RABGAP1L: variants seen among roughly 807,000 people sequenced by gnomAD.
RABGAP1L encodes rab GTPase-activating protein 1-like.
A neutral mutation model predicts 137.7 loss-of-function variants in RABGAP1L; 63 were observed. That is an observed-to-expected ratio of 0.46 (90% CI 0.37 to 0.56). The LOEUF (loss-of-function observed/expected upper bound fraction) is 0.56. RABGAP1L is among the 20% of genes least tolerant of loss of function. RABGAP1L has a pLI of 0.00. For missense variants in RABGAP1L, 1,095 were observed against 1,244.0 expected (o/e 0.88, Z 1.80); for synonymous variants, 431 against 433.7 (o/e 0.99, Z 0.08).
At chr1:174,380,552 C>G (rs1217286451) in intron 12 of RABGAP1L, among the ~76,000 whole-genome samples, 3 of 152,000 alleles carry the variant, frequency 2.0e-5, no homozygotes, top group African/African-American at 7.3e-5. Flanking sequence ...TCCATTTCTT[C>G]TAGATTTTCT....
intron 13 of RABGAP1L, among the ~76,000 whole-genome samples, chr1:174,544,475 T>C (rs1665810838): frequency 6.6e-6 from 1 of 152,184 alleles, no homozygotes; most frequent in South Asian, 2.1e-4. Context: ...GTCTATGCTC[T>C]TTATTCTAGT....
intron 11 of RABGAP1L, among the ~76,000 whole-genome samples, chr1:174,351,203 G>C (rs1683155561): frequency 6.6e-6 from 1 of 152,006 alleles, no homozygotes; most frequent in Non-Finnish European, 1.5e-5. Flanking sequence ...TAGTTTACTA[G>C]TTTACAAAGC....
intron 19 of RABGAP1L, among the ~76,000 whole-genome samples, chr1:174,821,234 G>A (rs1158104806): frequency 6.6e-6 from 1 of 152,154 alleles, no homozygotes; most frequent in Non-Finnish European, 1.5e-5. Context: ...CAGAGGCAGT[G>A]CAGGTAGCGG....
At chr1:174,937,181 G>A (rs1233958814) in intron 19 of RABGAP1L, among the ~76,000 whole-genome samples, 1 of 151,940 alleles carries the variant, frequency 6.6e-6, no homozygotes, top group Non-Finnish European at 1.5e-5. Flanking sequence ...GTTTCACCGT[G>A]TTGGCCAGGC....
intron 1 of RABGAP1L, among the ~76,000 whole-genome samples, chr1:174,161,486 C>A (rs1368835621): frequency 6.6e-6 from 1 of 152,090 alleles, no homozygotes; most frequent in Non-Finnish European, 1.5e-5. Flanking sequence ...GTGATCTGCC[C>A]GCCTCAGCCT....
At chr1:174,902,217 A>G (rs769425110) in intron 19 of RABGAP1L, among the ~76,000 whole-genome samples, 27 of 152,182 alleles carry the variant, frequency 1.8e-4, no homozygotes, top group Non-Finnish European at 3.5e-4. Context: ...TAGAGCAGGT[A>G]TGCTGTGTTG....
intron 14 of RABGAP1L, among the ~76,000 whole-genome samples, chr1:174,657,898 G>A (rs887486390): frequency 1.3e-5 from 2 of 152,124 alleles, no homozygotes; most frequent in African/African-American, 4.8e-5. Flanking sequence ...AACTGCTTTT[G>A]ACAAATGCCC....
rs752112793 is a variant in RABGAP1L, at chr1:174,252,463, C to G, written c.876-17C>G. On this transcript the variant is annotated splice_polypyrimidine_tract_variant and intron_variant, in intron 6 of 25. Coordinates refer to ENST00000681986, the MANE Select transcript of RABGAP1L (RefSeq NM_001366446.1). ...TATTAGATTATTGGTAATTCCTATT[C>G]CTTTTGAATATTTCAGCCCTGTGCC... 11 of 1,602,736 alleles carry G rather than the reference C, an allele frequency of 6.9e-6. No homozygotes were observed. In the East Asian group the frequency reaches 2.5e-4, roughly 36 times the overall value.
intron 13 of RABGAP1L, among the ~76,000 whole-genome samples, chr1:174,435,617 G>A (rs554113694): frequency 1.3e-5 from 2 of 151,980 alleles, no homozygotes; most frequent in Middle Eastern, 3.4e-3. Context: ...TCTTCTCACT[G>A]ATCATTTTGT....
chr1:174,633,456 G>A (rs1441847313), intron 13 of RABGAP1L, among the ~76,000 whole-genome samples: 6 of 151,276 alleles, frequency 4.0e-5, no homozygotes, highest in East Asian at 1.9e-4. Flanking sequence ...TGGCCATACT[G>A]CCCAAGGTAA....
chr1:174,710,960 AC>A (rs1314759253), intron 17 of RABGAP1L, among the ~76,000 whole-genome samples: 1 of 152,150 alleles, frequency 6.6e-6, no homozygotes, highest in African/African-American at 2.4e-5. Flanking sequence ...GCAGGAGCCC[AC>A]GGTGGCGGGG....
At chr1:174,806,189 A>C (rs1689281828) in intron 18 of RABGAP1L, among the ~76,000 whole-genome samples, 1 of 152,192 alleles carries the variant, frequency 6.6e-6, no homozygotes, top group Admixed American at 6.5e-5. Context: ...TAAAGCATAG[A>C]TCTTATGATC....
chr1:174,614,865 C>A (rs527749495), intron 13 of RABGAP1L, among the ~76,000 whole-genome samples: 1 of 152,184 alleles, frequency 6.6e-6, no homozygotes, highest in Non-Finnish European at 1.5e-5. Flanking sequence ...TCCAGTTGAT[C>A]GTATCGGCTC....
At chr1:174,583,450 T>C (rs781758806) in intron 13 of RABGAP1L, among the ~76,000 whole-genome samples, 1 of 152,158 alleles carries the variant, frequency 6.6e-6, no homozygotes, top group Non-Finnish European at 1.5e-5. Flanking sequence ...TATATGTATG[T>C]TTGCCTGTGA....
intron 19 of RABGAP1L, among the ~76,000 whole-genome samples, chr1:174,849,397 G>A (rs78887290): frequency 0.022 from 3,303 of 152,270 alleles, 52 homozygotes; most frequent in Middle Eastern, 0.082. Context: ...TTGGTATGAT[G>A]TGCCTAAAAT....
rs1247622414 is a variant in RABGAP1L, at chr1:174,635,401, T to G, written c.1711-1974T>G. The stretch of plus-strand genomic sequence containing the variant: ...ACTTATCGGAAGAGAGCTCTTCTGT[T>G]GGAGAAAACCTGGCAGTGAAAACTT... On this transcript the variant is annotated intron_variant, in intron 13 of 25. Coordinates refer to ENST00000681986, the MANE Select transcript of RABGAP1L (RefSeq NM_001366446.1). 2.6e-5 allele frequency among the ~76,000 whole-genome samples: 4 copies of G among 152,318 alleles called. No homozygotes were observed. In the East Asian group the frequency reaches 7.7e-4, roughly 29 times the overall value.
intron 13 of RABGAP1L, among the ~76,000 whole-genome samples, chr1:174,397,407 C>T (rs1648001877): frequency 6.6e-6 from 1 of 152,098 alleles, no homozygotes; most frequent in African/African-American, 2.4e-5. Context: ...TGCCTTCACT[C>T]TGGGGTTACT....
At chr1:174,734,257 T>C (rs1462212887) in intron 17 of RABGAP1L, among the ~76,000 whole-genome samples, 1 of 152,120 alleles carries the variant, frequency 6.6e-6, no homozygotes, top group Non-Finnish European at 1.5e-5. Context: ...TAGTGTATGC[T>C]ATGTATTTAA....
intron 14 of RABGAP1L, among the ~76,000 whole-genome samples, chr1:174,648,665 A>G (rs952350049): frequency 1.3e-4 from 20 of 152,030 alleles, no homozygotes; most frequent in African/African-American, 4.8e-4. Context: ...GCTCAGAAAA[A>G]TGTATATTCT....
Sources: gnomAD v4.1 joint callset for allele counts (sites outside exome capture counted in the v4.1 genomes callset) on GRCh38, gnomAD v4.1.1 for gene constraint, MANE v1.5 for transcripts, NCBI Gene and HGNC (gene_info 2026-07-23, HGNC 2026-07-21) for gene names.